LDLRAD1: variants seen among roughly 807,000 people sequenced by gnomAD.
LDLRAD1 encodes the protein low-density lipoprotein receptor class A domain-containing protein 1.
Under a neutral mutation model 24.8 loss-of-function variants are expected in LDLRAD1, and 17 were observed. The observed-to-expected ratio is 0.69, with a 90% CI of 0.47 to 1.03. The LOEUF (loss-of-function observed/expected upper bound fraction) is 1.03, where lower values mean the gene tolerates loss of function less well. Among genes scored for constraint, LDLRAD1 ranks in the 50% least tolerant of loss-of-function variants. The pLI, the probability that LDLRAD1 is intolerant of heterozygous loss-of-function variation, is 0.00. For synonymous variants in LDLRAD1, 103 were observed against 108.2 expected (o/e 0.95, Z 0.30); for missense variants, 277 against 271.0 (o/e 1.02, Z -0.16).
chr1:54,012,132 C>T lies in LDLRAD1; in HGVS notation c.340+11G>A, dbSNP rs780290834. The T allele has an allele frequency of 1.9e-5, 31 of 1,613,024 alleles. No homozygotes were observed. Among genetic ancestry groups the T allele is most frequent in the African/African-American group, 1.7e-4 (13 of 74,910 alleles). On this transcript the variant is annotated intron_variant, in intron 4 of 5. Coordinates refer to ENST00000371360, the MANE Select transcript of LDLRAD1 (RefSeq NM_001010978.4). ...AACCCCTGGGAGGGGCAGCACCGAG[C>T]GGGTACTCACGGCACAAGCTCTCAT... is the stretch of plus-strand genomic sequence containing the variant.
chr1:54,013,076 A>C (rs953615614), intron 3 of LDLRAD1, among the ~76,000 whole-genome samples: 6 of 151,746 alleles, frequency 4.0e-5, no homozygotes, highest in African/African-American at 1.5e-4. Flanking sequence ...GGGGGGAGCA[A>C]CTCTCAGAGA....
At chr1:54,016,927 GTTTC>G (rs1321342275) in intron 2 of LDLRAD1, among the ~76,000 whole-genome samples, 1 of 152,184 alleles carries the variant, frequency 6.6e-6, no homozygotes, top group Non-Finnish European at 1.5e-5. Context: ...GTACATGTGT[GTTTC>G]TTCCTTCTTC....
At chr1:54,015,302 G>A (rs920237179) in intron 2 of LDLRAD1, among the ~76,000 whole-genome samples, 1 of 152,072 alleles carries the variant, frequency 6.6e-6, no homozygotes, top group Non-Finnish European at 1.5e-5. Context: ...ACCATGTGCC[G>A]AGCCTTATTC....
In LDLRAD1 at chr1:54,015,367, ACTTTAATTCTC is replaced by A. The variant is rs528301076; in HGVS notation, c.74-1014_74-1004del. Among the ~76,000 whole-genome samples the A allele has an allele frequency of 1.9e-3, 294 of 152,308 alleles. 3 individuals are homozygous for A. The highest frequency in any genetic ancestry group is 6.8e-3 in the African/African-American group (283 of 41,552). On this transcript the variant is annotated intron_variant, in intron 2 of 5. Coordinates refer to ENST00000371360, the MANE Select transcript of LDLRAD1 (RefSeq NM_001010978.4). ...GACGTCCCTGCTCTTGTAGAACTGT[ACTTTAATTCTC>A]CTTTAATTCTCCCCTGCTTACAAAA...
chr1:54,010,647 A>C (rs1160098691), intron 4 of LDLRAD1, among the ~76,000 whole-genome samples: 1 of 152,024 alleles, frequency 6.6e-6, no homozygotes, highest in Non-Finnish European at 1.5e-5. Context: ...GTTCCTCCCC[A>C]GCTCTGGTGT....
At chr1:54,015,743 C>T (rs979917678) in intron 2 of LDLRAD1, among the ~76,000 whole-genome samples, 12 of 151,488 alleles carry the variant, frequency 7.9e-5, no homozygotes, top group African/African-American at 2.9e-4. Flanking sequence ...GCAACCTCTG[C>T]CTTCTGGGTT....
At chr1:54,015,319 C>T (rs1319331937) in intron 2 of LDLRAD1, among the ~76,000 whole-genome samples, 2 of 152,154 alleles carry the variant, frequency 1.3e-5, no homozygotes, top group Admixed American at 1.3e-4. Context: ...ATTCTAAGCA[C>T]TATGGAGATA....
In LDLRAD1 at chr1:54,009,238, C is replaced by A. The variant is rs1478283797; in HGVS notation, c.470-108G>T. On this transcript the variant is annotated intron_variant, in intron 5 of 5. Transcript: ENST00000371360. ...CTGCCGTAGCTCCCCATGGCCCCAA[C>A]CCATCTGACGTGAGTTGAGTGTGTT... The A allele has an allele frequency of 2.9e-6, 3 of 1,023,342 alleles. No homozygotes were observed. In the East Asian group the frequency reaches 7.2e-5, roughly 25 times the overall value. 63.4% of individuals were successfully genotyped at this position (1,023,342 alleles called of 1,614,324 possible). A position where few individuals can be genotyped will look rare whatever the true frequency, so the allele number is the denominator to read the frequency against.
intron 1 of LDLRAD1, among the ~76,000 whole-genome samples, 160 bp from the exon 2 acceptor site, chr1:54,017,587 G>T (rs865884257): frequency 3.0e-4 from 45 of 152,136 alleles, no homozygotes; most frequent in Admixed American, 1.6e-3. Context: ...CATCATGCCC[G>T]CTTCATATGT....
rs1656087655 is a variant in LDLRAD1 at position 54,012,203 on chromosome 1, C to T, written c.280G>A (p.Gly94Arg). ...CAGGTGCGAACGCCATCACAGACCC[C>T]ACTGGCTGGAATGCAGCTCCTCTGG... Reference protein sequence around the residue: ...HDQRSCIPASGVCDGVRTCTH... With the variant: ...HDQRSCIPASRVCDGVRTCTH... The change falls in exon 4 of 6, where the codon GGG becomes AGG. Residue 94 changes from glycine (G) to arginine (R), a missense_variant. Coordinates refer to ENST00000371360, the MANE Select transcript of LDLRAD1 (RefSeq NM_001010978.4). 2 of 1,614,040 alleles carry T rather than the reference C, an allele frequency of 1.2e-6. No homozygotes were observed. Among genetic ancestry groups the T allele is most frequent in the African/African-American group, 2.7e-5 (2 of 74,936 alleles).
At chr1:54,017,477 G>T in intron 1 of LDLRAD1, 50 bp from the exon 2 acceptor site, 1 of 1,503,274 alleles carries the variant, frequency 6.7e-7, no homozygotes, top group Non-Finnish European at 9.1e-7. Context: ...GTGAGCTCCA[G>T]CCTCAGGGAG....
rs1656089705 is a variant in LDLRAD1, at chr1:54,012,230, C to A, written c.253G>T (p.Asp85Tyr). Residue 85 changes from aspartate (D) to tyrosine (Y), a missense_variant, in exon 4 of 6, where the codon GAC becomes TAC. Coordinates refer to ENST00000371360, the MANE Select transcript of LDLRAD1 (RefSeq NM_001010978.4). ...LTNRTGFLCHDQRSCIPASGV... is the reference protein window; with the variant it reads ...LTNRTGFLCHYQRSCIPASGV... ...CTGGCTGGAATGCAGCTCCTCTGGTCATGGCACAAGAAGCCTGTCCTGTTT... is the reference window on the plus strand; with the variant it reads ...CTGGCTGGAATGCAGCTCCTCTGGTAATGGCACAAGAAGCCTGTCCTGTTT... 5 of 1,614,134 alleles carry A rather than the reference C, an allele frequency of 3.1e-6. No individual in the cohort carries two copies. Among genetic ancestry groups the A allele is most frequent in the Non-Finnish European group, 4.2e-6 (5 of 1,179,990 alleles).
At chr1:54,013,346 G>A (rs1292108034) in intron 3 of LDLRAD1, among the ~76,000 whole-genome samples, 1 of 152,058 alleles carries the variant, frequency 6.6e-6, no homozygotes, top group East Asian at 1.9e-4. Flanking sequence ...AGGGCAGGGG[G>A]AGCGCTGCGA....
At chr1:54,013,354 C>T (rs930153372) in intron 3 of LDLRAD1, among the ~76,000 whole-genome samples, 3 of 152,074 alleles carry the variant, frequency 2.0e-5, no homozygotes, top group Non-Finnish European at 2.9e-5. Context: ...GGGAGCGCTG[C>T]GAATCTCAGC....
Position 54,012,133 on chromosome 1 carries a change from G to A in LDLRAD1, c.340+10C>T, listed in dbSNP as rs749305425. 8 of 1,613,402 alleles carry A rather than the reference G, an allele frequency of 5.0e-6. No homozygotes were observed. Among genetic ancestry groups the A allele is most frequent in the Non-Finnish European group, 6.8e-6 (8 of 1,179,890 alleles). On this transcript the variant is annotated intron_variant, in intron 4 of 5. Coordinates refer to ENST00000371360, the MANE Select transcript of LDLRAD1 (RefSeq NM_001010978.4). Reference sequence around the variant, plus strand: ...ACCCCTGGGAGGGGCAGCACCGAGCGGGTACTCACGGCACAAGCTCTCATC... The same window carrying A: ...ACCCCTGGGAGGGGCAGCACCGAGCAGGTACTCACGGCACAAGCTCTCATC...
intron 1 of LDLRAD1, 65 bp downstream of exon 1, chr1:54,018,027 G>A (rs895171623): frequency 4.2e-6 from 6 of 1,418,410 alleles, no homozygotes; most frequent in Non-Finnish European, 6.0e-6. Context: ...CTCTCACCTG[G>A]GGACAGCTCT....
chr1:54,014,113 C>A (rs547244049), intron 3 of LDLRAD1, 123 bp downstream of exon 3: 4 of 1,150,224 alleles, frequency 3.5e-6, no homozygotes, highest in Non-Finnish European at 5.0e-6. Context: ...GTGCATGCAC[C>A]TTAAGGAATT....
chr1:54,016,449 C>T (rs1428481717), intron 2 of LDLRAD1, among the ~76,000 whole-genome samples: 1 of 152,182 alleles, frequency 6.6e-6, no homozygotes, highest in African/African-American at 2.4e-5. Flanking sequence ...GGAGAACCCG[C>T]AGAACCAAGG....
intron 3 of LDLRAD1, among the ~76,000 whole-genome samples, chr1:54,012,555 C>G (rs923962967): frequency 6.6e-6 from 1 of 152,182 alleles, no homozygotes; most frequent in African/African-American, 2.4e-5. Context: ...ATGAAAGCAT[C>G]TCTGTGAAGA....
Sources: gnomAD v4.1 joint callset for allele counts (sites outside exome capture counted in the v4.1 genomes callset) on GRCh38, gnomAD v4.1.1 for gene constraint, MANE v1.5 for transcripts, NCBI Gene and HGNC (gene_info 2026-07-23, HGNC 2026-07-21) for gene names.